Variants in CSMD1 observed in about 807,000 individuals in gnomAD.
The protein encoded by CSMD1 is CUB and Sushi multiple domains 1, also known as CUB and sushi domain-containing protein 1.
In CSMD1, 213 loss-of-function variants were observed where a neutral mutation model predicts 417.5. The observed-to-expected ratio is 0.51, with a 90% CI of 0.46 to 0.57. The LOEUF (loss-of-function observed/expected upper bound fraction) is 0.57, where lower values mean the gene tolerates loss of function less well. Ranked by LOEUF, CSMD1 falls within the 20% of genes least tolerant of loss-of-function variation. CSMD1 has a pLI of 0.00. For missense variants in CSMD1, 6,923 were observed against 4,529.7 expected (o/e 1.53, Z -15.17); for synonymous variants, 2,862 against 1,736.8 (o/e 1.65, Z -16.11).
intron 42 of CSMD1, among the ~76,000 whole-genome samples, chr8:3,114,815 T>C (rs1455632938): frequency 2.0e-5 from 3 of 152,228 alleles, no homozygotes; most frequent in Non-Finnish European, 2.9e-5. Flanking sequence ...ATACATTGTT[T>C]AGCTGCTTGC....
intron 3 of CSMD1, among the ~76,000 whole-genome samples, chr8:4,248,906 C>A (rs1305839394): frequency 6.6e-6 from 1 of 152,150 alleles, no homozygotes; most frequent in Non-Finnish European, 1.5e-5. Context: ...TCCATTTAGA[C>A]CATATTGAGA....
intron 11 of CSMD1, among the ~76,000 whole-genome samples, chr8:3,484,098 T>C (rs751140467): frequency 6.6e-6 from 1 of 152,168 alleles, no homozygotes; most frequent in Non-Finnish European, 1.5e-5. Context: ...CTCAAACTTA[T>C]ATAGATTGGC....
chr8:3,799,819 A>C lies in CSMD1; in HGVS notation c.819-45777T>G, dbSNP rs558517447. Among the ~76,000 whole-genome samples, 8 of 152,218 alleles carry C rather than the reference A, an allele frequency of 5.3e-5. No individual in the cohort carries two copies. The South Asian group carries it at 1.4e-3, about 28-fold the overall frequency. On this transcript the variant is annotated intron_variant, in intron 5 of 69. Coordinates refer to ENST00000635120, the MANE Select transcript of CSMD1 (RefSeq NM_033225.6). ...TCTATAGTGAATATTACAAATCTCTAATCTAAATGGACATGAGGCTAGGTT... is the reference window on the plus strand; with the variant it reads ...TCTATAGTGAATATTACAAATCTCTCATCTAAATGGACATGAGGCTAGGTT...
chr8:3,051,703 C>A (rs930150821), intron 50 of CSMD1, among the ~76,000 whole-genome samples: 1 of 152,014 alleles, frequency 6.6e-6, no homozygotes, highest in African/African-American at 2.4e-5. Flanking sequence ...ATTGTCTATA[C>A]AGAAATGTTA....
At chr8:3,655,632 C>G (rs1585026657) in intron 7 of CSMD1, among the ~76,000 whole-genome samples, 1 of 150,624 alleles carries the variant, frequency 6.6e-6, no homozygotes, top group East Asian at 2.0e-4. Context: ...GCCAGCTGAG[C>G]CTACAAGATG....
intron 26 of CSMD1, among the ~76,000 whole-genome samples, chr8:3,237,341 T>C (rs1273765411): frequency 6.6e-6 from 1 of 151,410 alleles, no homozygotes; most frequent in African/African-American, 2.4e-5. Context: ...GTGGTGTGTG[T>C]CTGTAATCTC....
intron 1 of CSMD1, among the ~76,000 whole-genome samples, chr8:4,963,358 C>G (rs1809645127): frequency 6.6e-6 from 1 of 152,032 alleles, no homozygotes; most frequent in Non-Finnish European, 1.5e-5. Context: ...CACCACCCTG[C>G]CCAGCTAATT....
chr8:3,555,054 G>A (rs990558777), intron 10 of CSMD1, among the ~76,000 whole-genome samples: 2 of 152,088 alleles, frequency 1.3e-5, no homozygotes, highest in Non-Finnish European at 2.9e-5. Context: ...CGCCAGGGAA[G>A]GCTAAGGAGC....
At chr8:3,004,639 A>C (rs1807714567) in intron 52 of CSMD1, among the ~76,000 whole-genome samples, 1 of 152,220 alleles carries the variant, frequency 6.6e-6, no homozygotes, top group Non-Finnish European at 1.5e-5. Context: ...CTCAAGCACG[A>C]ATTAACAATT....
At chr8:4,144,226 C>T (rs866072259) in intron 3 of CSMD1, among the ~76,000 whole-genome samples, 1 of 150,984 alleles carries the variant, frequency 6.6e-6, no homozygotes, top group South Asian at 2.1e-4. Flanking sequence ...TTCCTTGATT[C>T]AGCACAAACT....
At chr8:4,079,316 G>A (rs1028206775) in intron 3 of CSMD1, among the ~76,000 whole-genome samples, 2 of 152,218 alleles carry the variant, frequency 1.3e-5, no homozygotes, top group African/African-American at 4.8e-5. Flanking sequence ...TTGTGACTAG[G>A]CAATGTCTGC....
chr8:3,296,310 C>T (rs1399284479), intron 25 of CSMD1, among the ~76,000 whole-genome samples: 1 of 151,646 alleles, frequency 6.6e-6, no homozygotes, highest in Non-Finnish European at 1.5e-5. Context: ...AAGGGGCATA[C>T]CGTCCGCATT....
At chr8:4,786,912 C>G (rs1433215495) in intron 1 of CSMD1, among the ~76,000 whole-genome samples, 1 of 152,106 alleles carries the variant, frequency 6.6e-6, no homozygotes, top group Admixed American at 6.5e-5. Flanking sequence ...AGTAGTTTAG[C>G]TAGTACTTCA....
intron 7 of CSMD1, among the ~76,000 whole-genome samples, chr8:3,638,893 G>T (rs1320865202): frequency 1.3e-5 from 2 of 152,178 alleles, no homozygotes; most frequent in African/African-American, 4.8e-5. Context: ...GTAGGGAAAA[G>T]TGAAGAAGGG....
At chr8:4,873,556 T>C (rs1010747913) in intron 1 of CSMD1, among the ~76,000 whole-genome samples, 1 of 152,112 alleles carries the variant, frequency 6.6e-6, no homozygotes, top group African/African-American at 2.4e-5. Context: ...GAACATATGA[T>C]ACTTCAAAGT....
chr8:4,422,266 G>A (rs963988052), intron 2 of CSMD1, among the ~76,000 whole-genome samples: 2 of 152,050 alleles, frequency 1.3e-5, no homozygotes, highest in Admixed American at 6.6e-5. Flanking sequence ...TAAGTGGATA[G>A]AATGCTTTTG....
At chr8:4,517,419 G>T (rs926198575) in intron 2 of CSMD1, among the ~76,000 whole-genome samples, 5 of 152,158 alleles carry the variant, frequency 3.3e-5, no homozygotes, top group African/African-American at 9.7e-5. Context: ...ATAACACGCA[G>T]ATAATAAAGA....
chr8:4,403,520 G>A (rs1181290855), intron 3 of CSMD1, among the ~76,000 whole-genome samples: 2 of 152,098 alleles, frequency 1.3e-5, no homozygotes, highest in Non-Finnish European at 2.9e-5. Context: ...CATCAGTCAT[G>A]ACTTAGTATC....
intron 1 of CSMD1, among the ~76,000 whole-genome samples, chr8:4,750,045 C>T (rs975669503): frequency 4.6e-5 from 7 of 151,122 alleles, no homozygotes; most frequent in Admixed American, 2.0e-4. Flanking sequence ...CTCGCTCTGT[C>T]GCCCAGGCTG....
Sources: allele counts gnomAD v4.1 joint callset (sites outside exome capture counted in the v4.1 genomes callset), GRCh38; gene constraint gnomAD v4.1.1; transcripts MANE v1.5; gene names NCBI Gene and HGNC (gene_info 2026-07-23, HGNC 2026-07-21).